Variants in ARHGAP21 observed in about 807,000 individuals in gnomAD.
ARHGAP21 encodes rho GTPase-activating protein 21.
ARHGAP21 carries 38 observed loss-of-function variants against 164.6 expected under a neutral mutation model. That is an observed-to-expected ratio of 0.23 (90% CI 0.18 to 0.30). ARHGAP21 has a LOEUF of 0.30. Among genes scored for constraint, ARHGAP21 ranks in the 10% least tolerant of loss-of-function variants. The pLI, the probability that ARHGAP21 is intolerant of heterozygous loss-of-function variation, is 1.00. For synonymous variants in ARHGAP21, 766 were observed against 857.9 expected, an observed-to-expected ratio of 0.89 and a Z score of 1.87; for missense variants, 1,822 against 2,370.7, an observed-to-expected ratio of 0.77 and a Z score of 4.81.
intron 2 of ARHGAP21, among the ~76,000 whole-genome samples, chr10:24,712,440 T>A (rs1299006603): frequency 6.6e-6 from 1 of 152,154 alleles, no homozygotes; most frequent in Non-Finnish European, 1.5e-5. Flanking sequence ...ATGCTCAAGT[T>A]CCTAATATAA....
intron 2 of ARHGAP21, among the ~76,000 whole-genome samples, chr10:24,672,730 G>T (rs539272150): frequency 1.3e-5 from 2 of 152,108 alleles, no homozygotes; most frequent in African/African-American, 4.8e-5. Flanking sequence ...TACCCACTCT[G>T]CCACAATAAT....
chr10:24,653,692 T>C (rs1385724095), intron 4 of ARHGAP21, among the ~76,000 whole-genome samples: 1 of 152,094 alleles, frequency 6.6e-6, no homozygotes, highest in Non-Finnish European at 1.5e-5. Context: ...AGTAACCAGG[T>C]CTACAGGTGC....
At chr10:24,653,377 A>G (rs1042982420) in intron 4 of ARHGAP21, among the ~76,000 whole-genome samples, 1 of 152,176 alleles carries the variant, frequency 6.6e-6, no homozygotes, top group African/African-American at 2.4e-5. Flanking sequence ...AATCGAGACC[A>G]TCCTGGCTAA....
chr10:24,720,206 G>A (rs1020427816), intron 2 of ARHGAP21, among the ~76,000 whole-genome samples: 7 of 145,884 alleles, frequency 4.8e-5, no homozygotes, highest in African/African-American at 1.0e-4. Context: ...TGCTAGCCAA[G>A]GACAAGATGT....
intron 2 of ARHGAP21, among the ~76,000 whole-genome samples, chr10:24,677,126 A>G (rs1203969893): frequency 6.6e-6 from 1 of 152,164 alleles, no homozygotes; most frequent in East Asian, 1.9e-4. Flanking sequence ...CGGCTAAGGA[A>G]GGAGAATTGC....
chr10:24,607,815 G>T lies in ARHGAP21; in HGVS notation c.2511C>A (p.Ser837=), dbSNP rs1325083427. 2.5e-6 allele frequency: 4 copies of T among 1,614,178 alleles called. No homozygotes were observed. The highest frequency in any genetic ancestry group is 3.4e-6 in the Non-Finnish European group (4 of 1,180,026). Residue 837 remains serine (S), a synonymous_variant, in exon 10 of 26, where the codon TCC becomes TCA. Transcript: ENST00000396432. Reference sequence around the variant, plus strand: ...TGAGGCAAGGAGGAACTGTTGCTATGGAGGGGACCTGAGAGGTAGAGGCTG... The same window carrying T: ...TGAGGCAAGGAGGAACTGTTGCTATTGAGGGGACCTGAGAGGTAGAGGCTG... ...VISASTSQVP[S]IATVPPCLTT... is the part of the protein sequence containing the mutation.
intron 21 of ARHGAP21, among the ~76,000 whole-genome samples, chr10:24,593,775 A>C (rs1002270408): frequency 6.6e-5 from 10 of 152,226 alleles, no homozygotes; most frequent in Admixed American, 2.0e-4. Flanking sequence ...GAAAATACTG[A>C]AATTAATTAG....
chr10:24,617,113 G>A (rs1020745107), intron 9 of ARHGAP21, among the ~76,000 whole-genome samples: 1 of 152,038 alleles, frequency 6.6e-6, no homozygotes, highest in African/African-American at 2.4e-5. Flanking sequence ...GAACTAATTA[G>A]AGAGTACTTT....
intron 4 of ARHGAP21, among the ~76,000 whole-genome samples, chr10:24,662,357 G>C (rs916682440): frequency 1.3e-5 from 2 of 152,152 alleles, no homozygotes; most frequent in African/African-American, 4.8e-5. Context: ...CTAAGAGTTA[G>C]ACACAACTGA....
At chr10:24,659,045 GAGAGGATGTAC>G (rs1311958262) in intron 4 of ARHGAP21, among the ~76,000 whole-genome samples, 1 of 152,204 alleles carries the variant, frequency 6.6e-6, no homozygotes, top group African/African-American at 2.4e-5. Flanking sequence ...ACACATGTTG[GAGAGGATGTAC>G]AGAAATTAGA....
intron 6 of ARHGAP21, among the ~76,000 whole-genome samples, chr10:24,631,594 AC>A (rs749592340): frequency 2.0e-5 from 3 of 152,118 alleles, no homozygotes; most frequent in Admixed American, 1.3e-4. Flanking sequence ...ATTATACTAA[AC>A]CCATGAGAAC....
chr10:24,605,648 CAAAA>C (rs1295065017), intron 11 of ARHGAP21: 1 of 151,842 alleles, frequency 6.6e-6, no homozygotes, highest in Non-Finnish European at 1.5e-5. Flanking sequence ...GCAAAGATAA[CAAAA>C]AAGACAAATA....
Position 24,604,353 on chromosome 10 carries a change from TG to T in ARHGAP21, c.2685-6del. On this transcript the variant is annotated splice_region_variant and splice_polypyrimidine_tract_variant and intron_variant, in intron 11 of 25. Coordinates refer to ENST00000396432, the MANE Select transcript of ARHGAP21 (RefSeq NM_020824.4). ...CTAGATACGTGCTTAAAGGACCTGT[TG>T]GGGAAAAAATATATAAATATTTTCA... The T allele has an allele frequency of 6.3e-7, 1 of 1,585,916 alleles. No homozygotes were observed. The highest frequency in any genetic ancestry group is 1.2e-5 in the South Asian group (1 of 84,820).
At chr10:24,701,492 T>C (rs767475831) in intron 2 of ARHGAP21, among the ~76,000 whole-genome samples, 30 of 152,154 alleles carry the variant, frequency 2.0e-4, no homozygotes, top group Non-Finnish European at 4.0e-4. Context: ...AACAGAACAT[T>C]TCTCTGAGAA....
chr10:24,591,775 T>C, intron 22 of ARHGAP21, 92 bp from the exon 23 acceptor site: 1 of 1,599,042 alleles, frequency 6.3e-7, no homozygotes, highest in African/African-American at 1.3e-5. Flanking sequence ...GTAATTTTCT[T>C]AGGGAAAGAT....
In ARHGAP21 at chr10:24,702,127, CTTTTTTTTT is replaced by C. The variant is rs71798625; in HGVS notation, c.63+19701_63+19709del. Among the ~76,000 whole-genome samples, 490 of 104,600 alleles carry C rather than the reference CTTTTTTTTT, an allele frequency of 4.7e-3. 3 individuals carry two copies. In the Middle Eastern group the frequency reaches 0.074, roughly 16 times the overall value. The allele number at this position is 104,600 out of a possible 152,430, so 68.6% of individuals were successfully genotyped here. On this transcript the variant is annotated intron_variant, in intron 2 of 25. Transcript: ENST00000396432. Reference sequence around the variant, plus strand: ...TGAGGGGGAGAAAATACTTCCGGTTCTTTTTTTTTTTTTTTTTTTTTGAGACGGAGTCTT... The same window carrying C: ...TGAGGGGGAGAAAATACTTCCGGTTCTTTTTTTTTTTTGAGACGGAGTCTT...
intron 12 of ARHGAP21, among the ~76,000 whole-genome samples, chr10:24,603,136 G>A (rs1283039837): frequency 6.6e-6 from 1 of 152,098 alleles, no homozygotes; most frequent in Non-Finnish European, 1.5e-5. Flanking sequence ...AGGAAATCGG[G>A]GTAGATAAAG....
intron 4 of ARHGAP21, among the ~76,000 whole-genome samples, chr10:24,643,469 T>C (rs960167315): frequency 6.6e-6 from 1 of 152,196 alleles, no homozygotes; most frequent in African/African-American, 2.4e-5. Flanking sequence ...GACCTTCCAT[T>C]CCCTTTAGCC....
Position 24,585,448 on chromosome 10 carries a change from C to A in ARHGAP21, c.4841G>T (p.Ser1614Ile). Residue 1614 changes from serine (S) to isoleucine (I), a missense_variant, in exon 26 of 26, where the codon AGC becomes ATC. Around this residue, in one of 5 missense-constraint regions of ARHGAP21, gnomAD observed 333 missense variants for 383.9 expected, o/e 0.87. Coordinates refer to ENST00000396432, the MANE Select transcript of ARHGAP21 (RefSeq NM_020824.4). ...CTCGTCATCTGCCTCGTCCCCCTTG[C>A]TCTCTGCCACGGATTGCACCTCAGG... ...LSPEVQSVAE[S>I]KGDEADDERS... is the part of the protein sequence containing the mutation. The A allele has an allele frequency of 6.2e-7, 1 of 1,614,114 alleles. No homozygotes were observed.
Sources: allele counts gnomAD v4.1 joint callset (sites outside exome capture counted in the v4.1 genomes callset), GRCh38; gene constraint gnomAD v4.1.1; regional missense constraint gnomAD v4.1.1; transcripts MANE v1.5; gene names NCBI Gene and HGNC (gene_info 2026-07-23, HGNC 2026-07-21).